PREX1: variants seen among roughly 807,000 people sequenced by gnomAD.
PREX1 encodes the protein phosphatidylinositol-3,4,5-trisphosphate dependent Rac exchange factor 1.
PREX1 carries 41 observed loss-of-function variants against 198.3 expected under a neutral mutation model. The observed-to-expected ratio is 0.21, with a 90% confidence interval of 0.16 to 0.27. The LOEUF is 0.27. Among genes scored for constraint, PREX1 ranks in the 10% least tolerant of loss-of-function variants. The pLI, the probability that PREX1 is intolerant of heterozygous loss-of-function variation, is 1.00. For synonymous variants in PREX1, 843 were observed against 887.2 expected (o/e 0.95, Z 0.89); for missense variants, 1,620 against 2,200.7 (o/e 0.74, Z 5.28).
At chr20:48,642,954 G>T (rs1462205577) in intron 27 of PREX1, among the ~76,000 whole-genome samples, 1 of 152,122 alleles carries the variant, frequency 6.6e-6, no homozygotes, top group Non-Finnish European at 1.5e-5. Context: ...TTTTTCTTCT[G>T]TTAATTGAAG....
chr20:48,885,434 ACT>A, the PREX1 span, among the ~76,000 whole-genome samples: 1 of 152,090 alleles, frequency 6.6e-6, no homozygotes, highest in Non-Finnish European at 1.5e-5. Flanking sequence ...AGCAACAGAA[ACT>A]CTCATTCATT....
At chr20:48,819,651 T>C (rs2090475014) in intron 1 of PREX1, among the ~76,000 whole-genome samples, 2 of 152,220 alleles carry the variant, frequency 1.3e-5, no homozygotes, top group Admixed American at 6.5e-5. Context: ...TCAAGAAGCA[T>C]GTGGCACAGT....
At chr20:48,780,749 C>A (rs534119918) in intron 1 of PREX1, among the ~76,000 whole-genome samples, 1 of 152,118 alleles carries the variant, frequency 6.6e-6, no homozygotes, top group Non-Finnish European at 1.5e-5. Context: ...ACAGGCCAGA[C>A]CCACCGGTGG....
intron 7 of PREX1, among the ~76,000 whole-genome samples, chr20:48,698,196 G>A (rs968914924): frequency 6.6e-6 from 1 of 152,174 alleles, no homozygotes; most frequent in South Asian, 2.1e-4. Flanking sequence ...AGAGCTCAGG[G>A]TGCCCACAAG....
rs1373545087 is a variant in PREX1 at position 48,653,428 on chromosome 20, A to G, written c.2279T>C (p.Met760Thr). 6.2e-7 allele frequency: 1 copy of G among 1,613,964 alleles called. No individual in the cohort carries two copies. The change falls in exon 20 of 40, where the codon ATG becomes ACG. Residue 760 changes from methionine to threonine, a missense_variant. Met to Thr is a moderately conservative substitution (Grantham distance 81). Coordinates refer to ENST00000371941, the MANE Select transcript of PREX1 (RefSeq NM_020820.4). Reference protein sequence around the residue: ...CILKVNGSNVMNDGAPEVLEH... With the variant: ...CILKVNGSNVTNDGAPEVLEH... ...CAGGACCTCAGGGGCACCATCGTTC[A>G]TCACGTTGCTGCCATTGACCTTCAG... is the stretch of plus-strand genomic sequence containing the variant.
intron 6 of PREX1, among the ~76,000 whole-genome samples, chr20:48,704,702 T>C (rs1792593415): frequency 1.3e-5 from 2 of 152,120 alleles, no homozygotes; most frequent in South Asian, 4.1e-4. Context: ...ATTACAGGCA[T>C]GCTCCACCAC....
intron 14 of PREX1, among the ~76,000 whole-genome samples, chr20:48,670,108 T>TA (rs2122979982): frequency 6.6e-6 from 1 of 152,246 alleles, no homozygotes; most frequent in South Asian, 2.1e-4. Context: ...GCTTACACAG[T>TA]AACAATGGAG....
chr20:48,648,562 G>T (rs1400688368), intron 25 of PREX1, among the ~76,000 whole-genome samples: 1 of 152,168 alleles, frequency 6.6e-6, no homozygotes, highest in Non-Finnish European at 1.5e-5. Flanking sequence ...CAGAAGGAAG[G>T]AGTCCTCAAT....
intron 6 of PREX1, among the ~76,000 whole-genome samples, chr20:48,702,142 AG>A (rs1481993245): frequency 6.6e-6 from 1 of 151,112 alleles, no homozygotes; most frequent in Non-Finnish European, 1.5e-5. Context: ...CGGGAGGCAA[AG>A]GTTGCAGTGA....
At chr20:48,730,865 G>A (rs952420253) in intron 4 of PREX1, among the ~76,000 whole-genome samples, 1 of 151,958 alleles carries the variant, frequency 6.6e-6, no homozygotes, top group Non-Finnish European at 1.5e-5. Flanking sequence ...GGGCATGGTG[G>A]TGCACACTAT....
chr20:48,707,128 TA>T (rs1195796330), intron 6 of PREX1, among the ~76,000 whole-genome samples: 1 of 152,230 alleles, frequency 6.6e-6, no homozygotes, highest in African/African-American at 2.4e-5. Flanking sequence ...GGCCCTCTTC[TA>T]ACGTTACCAC....
At chr20:48,656,373 C>A (rs1049606090) in intron 18 of PREX1, 4 of 431,146 alleles carry the variant, frequency 9.3e-6, no homozygotes, top group Non-Finnish European at 1.9e-5. Flanking sequence ...CACAGGACTT[C>A]GATCAGAAGC....
chr20:48,760,960 A>G (rs2090176742), intron 1 of PREX1, among the ~76,000 whole-genome samples: 2 of 152,222 alleles, frequency 1.3e-5, no homozygotes, highest in South Asian at 4.1e-4. Flanking sequence ...GTAGTGGCAG[A>G]GACAGACTAT....
At chr20:48,758,265 T>C (rs1390190859) in intron 1 of PREX1, among the ~76,000 whole-genome samples, 1 of 152,162 alleles carries the variant, frequency 6.6e-6, no homozygotes, top group Non-Finnish European at 1.5e-5. Flanking sequence ...ACATCAGCCC[T>C]GTCTGTCACT....
intron 27 of PREX1, among the ~76,000 whole-genome samples, chr20:48,643,413 G>C (rs1203798041): frequency 6.6e-6 from 1 of 151,828 alleles, no homozygotes; most frequent in Non-Finnish European, 1.5e-5. Context: ...AGGTTGCAGT[G>C]AGCTGAGATC....
chr20:48,792,462 C>G (rs888512675), intron 1 of PREX1, among the ~76,000 whole-genome samples: 8 of 151,924 alleles, frequency 5.3e-5, no homozygotes, highest in African/African-American at 1.9e-4. Flanking sequence ...AAGAGCAAAA[C>G]TCCATCTCAA....
At chr20:48,861,626 G>T in the PREX1 span, among the ~76,000 whole-genome samples, 1 of 152,190 alleles carries the variant, frequency 6.6e-6, no homozygotes, top group South Asian at 2.1e-4. Flanking sequence ...AGTGACAGCT[G>T]GTTCAGGGTT....
intron 1 of PREX1, among the ~76,000 whole-genome samples, chr20:48,778,011 A>C (rs2090271070): frequency 6.6e-6 from 1 of 152,164 alleles, no homozygotes; most frequent in African/African-American, 2.4e-5. Flanking sequence ...ACAAAAGGGA[A>C]GGGTGGGGAC....
chr20:48,867,870 CT>C, the PREX1 span, among the ~76,000 whole-genome samples: 657 of 142,094 alleles, frequency 4.6e-3, no homozygotes, highest in South Asian at 6.3e-3. Flanking sequence ...CCATCTTAAC[CT>C]TTTTTTTTTT....
Sources: allele counts gnomAD v4.1 joint callset (sites outside exome capture counted in the v4.1 genomes callset), GRCh38; gene constraint gnomAD v4.1.1; transcripts MANE v1.5; gene names NCBI Gene and HGNC (gene_info 2026-07-23, HGNC 2026-07-21).